Variants in INSR observed in about 807,000 individuals in gnomAD.
INSR encodes the protein insulin receptor, also known as IR.
INSR carries 67 observed loss-of-function variants against 142.6 expected under a neutral mutation model. The observed-to-expected ratio is 0.47, with a 90% CI of 0.39 to 0.58. The LOEUF (loss-of-function observed/expected upper bound fraction) is 0.58. Among genes scored for constraint, INSR ranks in the 20% least tolerant of loss-of-function variants. INSR has a pLI of 0.00. For missense variants in INSR, 1,248 were observed against 1,833.2 expected, an observed-to-expected ratio of 0.68 and a Z score of 5.83; for synonymous variants, 756 against 743.1, an observed-to-expected ratio of 1.02 and a Z score of -0.28.
intron 4 of INSR, among the ~76,000 whole-genome samples, chr19:7,173,201 C>T (rs1412490404): frequency 1.3e-5 from 2 of 152,156 alleles, no homozygotes; most frequent in Non-Finnish European, 1.5e-5. Flanking sequence ...CAATATCTGT[C>T]GATTTACTTA....
chr19:7,118,897 A>G (rs1203542017), intron 21 of INSR, among the ~76,000 whole-genome samples: 1 of 140,904 alleles, frequency 7.1e-6, no homozygotes, highest in Admixed American at 7.5e-5. Context: ...CCTGGGTGAC[A>G]GAGCAAGATT....
chr19:7,236,599 C>T (rs370198864), intron 2 of INSR, among the ~76,000 whole-genome samples: 18 of 152,320 alleles, frequency 1.2e-4, no homozygotes, highest in African/African-American at 3.8e-4. Flanking sequence ...CCATGGCTCA[C>T]GCCTCTAATC....
chr19:7,239,010 T>C (rs1976255742), intron 2 of INSR, among the ~76,000 whole-genome samples: 1 of 140,648 alleles, frequency 7.1e-6, no homozygotes, highest in South Asian at 2.3e-4. Context: ...AATTTTATGA[T>C]GCATGTCCTA....
At chr19:7,220,585 G>A (rs3890483) in intron 2 of INSR, among the ~76,000 whole-genome samples, 1 of 151,920 alleles carries the variant, frequency 6.6e-6, no homozygotes, top group Non-Finnish European at 1.5e-5. Flanking sequence ...CACTGTGCCC[G>A]GCCACGGATC....
intron 2 of INSR, among the ~76,000 whole-genome samples, chr19:7,240,022 G>A (rs546882314): frequency 5.8e-4 from 89 of 152,194 alleles, no homozygotes; most frequent in African/African-American, 2.0e-3. Flanking sequence ...GCAAGCTCTC[G>A]CGGAGTATTT....
intron 2 of INSR, among the ~76,000 whole-genome samples, chr19:7,253,019 G>A (rs188271544): frequency 5.9e-4 from 90 of 152,040 alleles, no homozygotes; most frequent in Admixed American, 2.1e-3. Context: ...GGAGGCTGAG[G>A]CGGGGGAATC....
rs751178759 is a variant in INSR, at chr19:7,168,061, C to T, written c.1517G>A (p.Arg506Gln). ...ENELLKFSYIRTSFDKILLRW... is the reference protein window; with the variant it reads ...ENELLKFSYIQTSFDKILLRW... ...CAGCAAGATCTTGTCAAAAGATGTC[C>T]GAATGTAAGAAAATTTAAGTAACTC... is the stretch of plus-strand genomic sequence containing the variant. Residue 506 changes from arginine (R) to glutamine (Q), a missense_variant, in exon 7 of 22, where the codon CGG (arginine) becomes CAG (glutamine). By Grantham distance (43) the Arg-to-Gln change is conservative. Transcript: ENST00000302850. The surrounding 1 kb of genome is among the most constrained non-coding windows in gnomAD (Gnocchi z 4.3). The T allele has an allele frequency of 2.5e-6, 4 of 1,613,782 alleles. No homozygotes were observed. Among genetic ancestry groups the T allele is most frequent in the East Asian group, 2.2e-5 (1 of 44,874 alleles).
rs761135142 is a variant in INSR at position 7,184,656 on chromosome 19, A to C, written c.653-19T>G. 2 of 1,433,646 alleles carry C rather than the reference A, an allele frequency of 1.4e-6. No individual in the cohort carries two copies. The highest frequency in any genetic ancestry group is 2.6e-5 in the South Asian group (2 of 78,028). 88.8% of individuals were successfully genotyped at this position (1,433,646 alleles called of 1,614,324 possible). ...GGGCAAACTGGAGAGAGAGAGAGAGAGAGAGGGAAATAAATAAATAAATAA... is the reference window on the plus strand; with the variant it reads ...GGGCAAACTGGAGAGAGAGAGAGAGCGAGAGGGAAATAAATAAATAAATAA... On this transcript the variant is annotated intron_variant, in intron 2 of 21. Transcript: ENST00000302850.
intron 14 of INSR, among the ~76,000 whole-genome samples, chr19:7,131,953 G>A (rs931990328): frequency 7.9e-5 from 12 of 150,972 alleles, no homozygotes; most frequent in Non-Finnish European, 1.5e-4. Flanking sequence ...AGCTGAGATT[G>A]TGCCAGTGCA....
chr19:7,237,880 T>A (rs908937187), intron 2 of INSR, among the ~76,000 whole-genome samples: 1 of 151,928 alleles, frequency 6.6e-6, no homozygotes, highest in African/African-American at 2.4e-5. Flanking sequence ...ATTTAAAAAA[T>A]ACCCAGTCTC....
chr19:7,267,597 A>G lies in INSR; in HGVS notation c.400T>C (p.Tyr134His). Residue 134 changes from tyrosine to histidine, a missense_variant, in exon 2 of 22, where the codon TAC (tyrosine) becomes CAC (histidine). By Grantham distance (83) the Tyr-to-His change is moderately conservative. This residue lies in a region of INSR where 1,069 missense variants were observed against 1,654.0 expected (regional missense o/e 0.65). Transcript: ENST00000302850. This position sits in a 1 kb window ranked among gnomAD's most constrained non-coding sequence, Gnocchi z 6.3. ...EMVHLKELGLYNLMNITRGSV... is the reference protein window; with the variant it reads ...EMVHLKELGLHNLMNITRGSV... ...CCCCGGGTGATGTTCATCAGGTTGT[A>G]GAGGCCGAGTTCCTTGAGGTGAACC... is the stretch of plus-strand genomic sequence containing the variant. The G allele has an allele frequency of 1.2e-6, 2 of 1,614,118 alleles. No individual in the cohort carries two copies. Among genetic ancestry groups the G allele is most frequent in the African/African-American group, 1.3e-5 (1 of 75,018 alleles).
intron 2 of INSR, among the ~76,000 whole-genome samples, chr19:7,235,598 C>CG (rs397744883): frequency 1.3e-5 from 2 of 151,588 alleles, no homozygotes; most frequent in Admixed American, 1.3e-4. Context: ...GCCTGTAATC[C>CG]AACACTTTGG....
intron 2 of INSR, among the ~76,000 whole-genome samples, chr19:7,237,815 C>CA (rs1349925003): frequency 2.0e-5 from 3 of 150,338 alleles, no homozygotes; most frequent in East Asian, 3.9e-4. Context: ...GACTCCATCT[C>CA]AAAAAAATAA....
In INSR at chr19:7,219,363, G is replaced by A. The variant is rs1975528874; in HGVS notation, c.653-34726C>T. 2.0e-5 allele frequency among the ~76,000 whole-genome samples: 3 copies of A among 152,120 alleles called. No individual in the cohort carries two copies. In the South Asian group the frequency reaches 6.2e-4, roughly 32 times the overall value. On this transcript the variant is annotated intron_variant, in intron 2 of 21. Coordinates refer to ENST00000302850, the MANE Select transcript of INSR (RefSeq NM_000208.4). The stretch of plus-strand genomic sequence containing the variant: ...GGAGGGGAGCTCTGCAGCTCTTTGG[G>A]CTTCACATGTTGCTCTGATTGTCAT...
chr19:7,252,886 C>T (rs1009612807), intron 2 of INSR, among the ~76,000 whole-genome samples: 4 of 151,710 alleles, frequency 2.6e-5, no homozygotes, highest in African/African-American at 7.3e-5. Context: ...GAGGCCAAGG[C>T]GGGCAGATCA....
Position 7,125,278 on chromosome 19 carries a change from C to A in INSR, c.3258+5G>T. ...CAGCCCATGTCCCACCCCCACTGGA[C>A]TCACCACGTGATGGCAGGTGAAGCC... On this transcript the variant is annotated splice_donor_5th_base_variant and intron_variant, in intron 17 of 21. Transcript: ENST00000302850. The surrounding 1 kb of genome is among the most constrained non-coding windows in gnomAD (Gnocchi z 4.9). The A allele has an allele frequency of 6.2e-7, 1 of 1,614,020 alleles. No homozygotes were observed. Among genetic ancestry groups the A allele is most frequent in the Non-Finnish European group, 8.5e-7 (1 of 1,180,014 alleles).
At chr19:7,154,953 T>C (rs186382747) in intron 9 of INSR, among the ~76,000 whole-genome samples, 1 of 152,070 alleles carries the variant, frequency 6.6e-6, no homozygotes, top group Non-Finnish European at 1.5e-5. Context: ...CCCGACACCA[T>C]AATCACAGGA....
chr19:7,119,761 C>T lies in INSR; in HGVS notation c.3660-178G>A, dbSNP rs1366618551. 1.5e-5 allele frequency among the ~76,000 whole-genome samples: 2 copies of T among 134,280 alleles called. No homozygotes were observed. Among genetic ancestry groups the T allele is most frequent in the Non-Finnish European group, 3.1e-5 (2 of 63,856 alleles). 88.1% of individuals were successfully genotyped at this position (134,280 alleles called of 152,430 possible). A position where few individuals can be genotyped will look rare whatever the true frequency, so the allele number is the denominator to read the frequency against. The stretch of plus-strand genomic sequence containing the variant: ...ATACACGTGCACACACATGCAAATA[C>T]ACACAAACACGCATGCGCACACATG... On this transcript the variant is annotated intron_variant, in intron 20 of 21. Transcript: ENST00000302850. This position sits in a 1 kb window ranked among gnomAD's most constrained non-coding sequence, Gnocchi z 5.2.
At chr19:7,136,965 T>C (rs1972944068) in intron 13 of INSR, among the ~76,000 whole-genome samples, 1 of 151,620 alleles carries the variant, frequency 6.6e-6, no homozygotes, top group South Asian at 2.1e-4. Flanking sequence ...CCCGAGTAGT[T>C]GGGATTACAG....
Sources: gnomAD v4.1 joint callset for allele counts (sites outside exome capture counted in the v4.1 genomes callset) on GRCh38, gnomAD v4.1.1 for gene constraint, gnomAD v4.1.1 regional missense constraint, Gnocchi (gnomAD v3.1) non-coding constraint, MANE v1.5 for transcripts, NCBI Gene and HGNC (gene_info 2026-07-23, HGNC 2026-07-21) for gene names.